TMEM131L: variants seen among roughly 807,000 people sequenced by gnomAD.
The protein encoded by TMEM131L is transmembrane protein 131-like.
In TMEM131L, 54 loss-of-function variants were observed where a neutral mutation model predicts 192.2. That is an observed-to-expected ratio of 0.28 (90% CI 0.23 to 0.35). TMEM131L has a LOEUF of 0.35. Among genes scored for constraint, TMEM131L ranks in the 10% least tolerant of loss-of-function variants. The pLI, the probability that TMEM131L is intolerant of heterozygous loss-of-function variation, is 1.00. For synonymous variants in TMEM131L, 701 were observed against 704.9 expected (o/e 0.99, Z 0.09); for missense variants, 1,888 against 1,972.9 (o/e 0.96, Z 0.82).
intron 3 of TMEM131L, among the ~76,000 whole-genome samples, chr4:153,481,723 A>C (rs1437156658): frequency 6.6e-6 from 1 of 151,660 alleles, no homozygotes; most frequent in Non-Finnish European, 1.5e-5. Context: ...TTTTTTGTAG[A>C]GTTGGGGTTT....
At chr4:153,529,449 A>G (rs1257220392) in intron 3 of TMEM131L, among the ~76,000 whole-genome samples, 2 of 152,164 alleles carry the variant, frequency 1.3e-5, no homozygotes, top group African/African-American at 4.8e-5. Context: ...ACTGAAAGTG[A>G]GTATGTAAAG....
chr4:153,553,013 T>C (rs1737747489), intron 4 of TMEM131L, among the ~76,000 whole-genome samples: 1 of 152,072 alleles, frequency 6.6e-6, no homozygotes, highest in Non-Finnish European at 1.5e-5. Context: ...GAGCCAACTG[T>C]ATATGATACA....
Position 153,535,813 on chromosome 4 carries a change from A to G in TMEM131L, c.240-14260A>G, listed in dbSNP as rs554307928. Among the ~76,000 whole-genome samples, 3 of 152,256 alleles carry G rather than the reference A, an allele frequency of 2.0e-5. No individual in the cohort carries two copies. In the East Asian group the frequency reaches 5.8e-4, roughly 29 times the overall value. On this transcript the variant is annotated intron_variant, in intron 3 of 34. Coordinates refer to ENST00000409959, the MANE Select transcript of TMEM131L (RefSeq NM_001131007.2). ...TACTCATCCTAACGTTGCTGTTAATATTTTGGTATTTGCCTTCTCATTTTC... is the reference window on the plus strand; with the variant it reads ...TACTCATCCTAACGTTGCTGTTAATGTTTTGGTATTTGCCTTCTCATTTTC...
intron 21 of TMEM131L, 155 bp from the exon 22 acceptor site, chr4:153,601,997 G>A: frequency 2.0e-6 from 1 of 505,210 alleles, no homozygotes; most frequent in Non-Finnish European, 3.4e-6. Context: ...TAGAAATTAG[G>A]TAGAAATCAT....
At chr4:153,599,159 A>G (rs561511019) in intron 21 of TMEM131L, among the ~76,000 whole-genome samples, 3 of 152,326 alleles carry the variant, frequency 2.0e-5, no homozygotes, top group East Asian at 3.9e-4. Context: ...ATGACAGATG[A>G]TGAAGGGAAA....
chr4:153,581,883 C>G (rs1327356373), intron 9 of TMEM131L, among the ~76,000 whole-genome samples: 1 of 152,154 alleles, frequency 6.6e-6, no homozygotes, highest in African/African-American at 2.4e-5. Flanking sequence ...GTTTCTTGTT[C>G]CACTTTTAAT....
chr4:153,495,071 A>T (rs1733071703), intron 3 of TMEM131L, among the ~76,000 whole-genome samples: 1 of 152,108 alleles, frequency 6.6e-6, no homozygotes, highest in African/African-American at 2.4e-5. Flanking sequence ...ATCCCAGCAC[A>T]TTGGGAGGCC....
At chr4:153,526,870 G>T (rs1186348745) in intron 3 of TMEM131L, among the ~76,000 whole-genome samples, 9 of 152,196 alleles carry the variant, frequency 5.9e-5, no homozygotes, top group African/African-American at 9.6e-5. Context: ...GGGGTAAATT[G>T]TTCTGGTAAT....
rs2149833312 is a variant in TMEM131L, at chr4:153,486,086, A to C, written c.239+12198A>C. On this transcript the variant is annotated intron_variant, in intron 3 of 34. Coordinates refer to ENST00000409959, the MANE Select transcript of TMEM131L (RefSeq NM_001131007.2). ...TCTGTCGAAGGAGACTAAGTCCGAG[A>C]TTAACGGATGGAAGCAACTGAATAC... Among the ~76,000 whole-genome samples the C allele has an allele frequency of 3.9e-5, 6 of 152,332 alleles. 1 individual carries two copies. In the South Asian group the frequency reaches 1.2e-3, roughly 32 times the overall value.
In TMEM131L at chr4:153,591,174, A is replaced by G. The variant is rs772190958; in HGVS notation, c.1792A>G (p.Thr598Ala). The part of the protein sequence containing the change: ...EPGLMLNFSA[T>A]ALRSRMIKYF... ...TGGCCTCATGTTAAACTTCAGCGCAACTGCCCTTAGGAGCAGGATGGTGAG... is the reference window on the plus strand; with the variant it reads ...TGGCCTCATGTTAAACTTCAGCGCAGCTGCCCTTAGGAGCAGGATGGTGAG... The change falls in exon 17 of 35, where the codon ACT (threonine) becomes GCT (alanine). Residue 598 changes from threonine to alanine, a missense_variant. Transcript: ENST00000409959. 24 of 1,606,996 alleles carry G rather than the reference A, an allele frequency of 1.5e-5. 1 individual carries two copies. Among genetic ancestry groups the G allele is most frequent in the Non-Finnish European group, 1.9e-5 (22 of 1,175,970 alleles).
chr4:153,504,791 A>G (rs926058621), intron 3 of TMEM131L, among the ~76,000 whole-genome samples: 6 of 152,214 alleles, frequency 3.9e-5, no homozygotes, highest in South Asian at 4.1e-4. Context: ...GATACATGAG[A>G]AGCAGAATCC....
intron 11 of TMEM131L, among the ~76,000 whole-genome samples, chr4:153,584,083 A>G (rs1369545270): frequency 6.6e-6 from 1 of 152,228 alleles, no homozygotes; most frequent in African/African-American, 2.4e-5. Context: ...TCAAAACTGT[A>G]CCTATAAGAA....
At chr4:153,492,482 T>C (rs149200792) in intron 3 of TMEM131L, among the ~76,000 whole-genome samples, 1 of 152,370 alleles carries the variant, frequency 6.6e-6, no homozygotes, top group East Asian at 1.9e-4. Context: ...GTTTAAATCA[T>C]AGGCGGAATC....
chr4:153,569,378 A>C (rs1286227140), intron 7 of TMEM131L, among the ~76,000 whole-genome samples: 1 of 152,132 alleles, frequency 6.6e-6, no homozygotes, highest in Non-Finnish European at 1.5e-5. Flanking sequence ...GACAGCTTTG[A>C]GATGGATTAG....
intron 26 of TMEM131L, among the ~76,000 whole-genome samples, chr4:153,613,681 T>A (rs1414854964): frequency 6.6e-6 from 1 of 152,190 alleles, no homozygotes; most frequent in East Asian, 1.9e-4. Flanking sequence ...ATTCCTAGTG[T>A]TATAAATTAT....
intron 3 of TMEM131L, among the ~76,000 whole-genome samples, chr4:153,496,043 T>A (rs1390825116): frequency 6.6e-6 from 1 of 152,066 alleles, no homozygotes; most frequent in Non-Finnish European, 1.5e-5. Context: ...CAACAAGGCC[T>A]CCGAATGCCA....
chr4:153,629,308 C>T (rs917540637), intron 31 of TMEM131L, among the ~76,000 whole-genome samples: 19 of 152,330 alleles, frequency 1.2e-4, no homozygotes, highest in African/African-American at 4.6e-4. Context: ...GCTCCCACTG[C>T]CCTCTCCACC....
intron 9 of TMEM131L, among the ~76,000 whole-genome samples, chr4:153,582,315 G>A (rs964055393): frequency 3.3e-5 from 5 of 151,722 alleles, no homozygotes; most frequent in African/African-American, 1.2e-4. Context: ...TGTGATCTCG[G>A]CTCACTGCAA....
chr4:153,466,437 C>G lies in TMEM131L; in HGVS notation c.40C>G (p.Arg14Gly). The change falls in exon 1 of 35, where the codon CGC becomes GGC. Residue 14 changes from arginine to glycine, a missense_variant. Coordinates refer to ENST00000409959, the MANE Select transcript of TMEM131L (RefSeq NM_001131007.2). ...LRRPQPGCYC[R>G]TAAAVNLLLG... ...ACGCCCGCAGCCCGGCTGCTACTGC[C>G]GCACCGCGGCGGCCGTGAACCTCCT... The G allele has an allele frequency of 8.5e-6, 12 of 1,410,718 alleles. No individual in the cohort carries two copies. Among genetic ancestry groups the G allele is most frequent in the Non-Finnish European group, 1.1e-5 (12 of 1,075,338 alleles). 87.4% of individuals were successfully genotyped at this position (1,410,718 alleles called of 1,614,324 possible). A position where few individuals can be genotyped will look rare whatever the true frequency, so the allele number is the denominator to read the frequency against.
Sources: gnomAD v4.1 joint callset for allele counts (sites outside exome capture counted in the v4.1 genomes callset) on GRCh38, gnomAD v4.1.1 for gene constraint, MANE v1.5 for transcripts, NCBI Gene and HGNC (gene_info 2026-07-23, HGNC 2026-07-21) for gene names.